The following NXPH1 variants were observed in gnomAD, a reference collection of about 807,000 sequenced individuals.
NXPH1 encodes neurexophilin 1.
Under a neutral mutation model 23.7 loss-of-function variants are expected in NXPH1, and 5 were observed. That is an observed-to-expected ratio of 0.21 (90% CI 0.11 to 0.44). The LOEUF is 0.44. Among genes scored for constraint, NXPH1 ranks in the 20% least tolerant of loss-of-function variants. The probability of loss-of-function intolerance (pLI) is 0.99; values close to 1 mark genes in which losing one functional copy is unlikely to be tolerated. For missense variants in NXPH1, 324 were observed against 321.6 expected (o/e 1.01, Z -0.06); for synonymous variants, 144 against 122.2 (o/e 1.18, Z -1.18).
chr7:8,541,173 A>G (rs1281883764), intron 2 of NXPH1, among the ~76,000 whole-genome samples: 2 of 151,784 alleles, frequency 1.3e-5, no homozygotes, highest in South Asian at 2.1e-4. Flanking sequence ...CAAGGTAGTC[A>G]TTACAACTCT....
At chr7:8,493,588 A>G (rs1042773277) in intron 2 of NXPH1, among the ~76,000 whole-genome samples, 1 of 152,090 alleles carries the variant, frequency 6.6e-6, no homozygotes, top group African/African-American at 2.4e-5. Flanking sequence ...TATGACTACA[A>G]TATATTTTCT....
chr7:8,542,627 C>T (rs531193453), intron 2 of NXPH1, among the ~76,000 whole-genome samples: 6 of 151,690 alleles, frequency 4.0e-5, no homozygotes, highest in Non-Finnish European at 7.4e-5. Context: ...AAACTAGTTT[C>T]TCTGACCACA....
Position 8,751,509 on chromosome 7 carries a change from G to C in NXPH1, c.556G>C (p.Ala186Pro). ...CTTGGCACAACAAACCGTGATTGAT[G>C]CCAAAGATTCCAAGTCTTTTAATTG... ...FDLAQQTVID[A>P]KDSKSFNCRI... The change falls in exon 3 of 3, where the codon GCC (alanine) becomes CCC (proline). Residue 186 changes from alanine to proline, a missense_variant. Ala to Pro is a conservative substitution (Grantham distance 27, BLOSUM62 -1). Coordinates refer to ENST00000405863, the MANE Select transcript of NXPH1 (RefSeq NM_152745.3). This position sits in a 1 kb window ranked among gnomAD's most constrained non-coding sequence, Gnocchi z 4.5. The C allele has an allele frequency of 6.2e-7, 1 of 1,613,644 alleles. No individual in the cohort carries two copies. The highest frequency in any genetic ancestry group is 1.1e-5 in the South Asian group (1 of 91,066).
intron 2 of NXPH1, among the ~76,000 whole-genome samples, chr7:8,577,525 C>A (rs1291877016): frequency 6.6e-6 from 1 of 152,066 alleles, no homozygotes; most frequent in African/African-American, 2.4e-5. Context: ...CTTGGGCCAC[C>A]CTTTCATCTA....
chr7:8,489,919 T>C (rs925107458), intron 2 of NXPH1, among the ~76,000 whole-genome samples: 4 of 152,054 alleles, frequency 2.6e-5, no homozygotes, highest in African/African-American at 9.7e-5. Flanking sequence ...TCAAGGTAAA[T>C]TGGTTCTTGA....
intron 2 of NXPH1, among the ~76,000 whole-genome samples, chr7:8,712,643 T>G (rs759246673): frequency 6.6e-6 from 1 of 152,196 alleles, no homozygotes; most frequent in Non-Finnish European, 1.5e-5. Context: ...ATAATTACTG[T>G]GTACCAAAAA....
At chr7:8,652,315 A>C (rs997349272) in intron 2 of NXPH1, among the ~76,000 whole-genome samples, 9 of 152,098 alleles carry the variant, frequency 5.9e-5, no homozygotes, top group African/African-American at 2.2e-4. Flanking sequence ...TATGTGAATA[A>C]ATTTTACATA....
chr7:8,688,286 TA>T, intron 2 of NXPH1, among the ~76,000 whole-genome samples: 1 of 152,302 alleles, frequency 6.6e-6, no homozygotes, highest in Non-Finnish European at 1.5e-5. Context: ...AACACTAATG[TA>T]AGTCATGGAA....
chr7:8,484,003 T>A (rs1425470490), intron 2 of NXPH1, among the ~76,000 whole-genome samples: 1 of 145,496 alleles, frequency 6.9e-6, no homozygotes, highest in Non-Finnish European at 1.5e-5. Context: ...CCATAGAGGA[T>A]GTCAGAAATG....
chr7:8,742,536 TAC>T (rs1780384938), intron 2 of NXPH1, among the ~76,000 whole-genome samples: 1 of 152,150 alleles, frequency 6.6e-6, no homozygotes, highest in Admixed American at 6.5e-5. Flanking sequence ...TATCTGAATA[TAC>T]TAGCTGAGAT....
At chr7:8,726,329 T>A (rs1448167908) in intron 2 of NXPH1, among the ~76,000 whole-genome samples, 1 of 152,150 alleles carries the variant, frequency 6.6e-6, no homozygotes, top group Middle Eastern at 3.4e-3. Context: ...TTTTGTTTGT[T>A]TTTTTTAAAT....
chr7:8,691,942 G>C (rs1821227772), intron 2 of NXPH1, among the ~76,000 whole-genome samples: 1 of 152,172 alleles, frequency 6.6e-6, no homozygotes, highest in Middle Eastern at 3.4e-3. Flanking sequence ...GGAGGTGACT[G>C]TTAAGCTAAT....
At chr7:8,748,202 T>C (rs1163506515) in intron 2 of NXPH1, among the ~76,000 whole-genome samples, 1 of 152,236 alleles carries the variant, frequency 6.6e-6, no homozygotes, top group Admixed American at 6.6e-5. Flanking sequence ...TTTGCTGTTA[T>C]TAGTCATTTC....
chr7:8,591,270 G>A (rs1819088598), intron 2 of NXPH1, among the ~76,000 whole-genome samples: 2 of 152,108 alleles, frequency 1.3e-5, no homozygotes, highest in South Asian at 4.1e-4. Flanking sequence ...TGCTGATGAG[G>A]AAACTGAGGC....
intron 2 of NXPH1, among the ~76,000 whole-genome samples, chr7:8,491,905 T>C (rs1375736942): frequency 6.6e-6 from 1 of 152,114 alleles, no homozygotes; most frequent in African/African-American, 2.4e-5. Flanking sequence ...TTTTAGTTTA[T>C]GATCAAAATC....
At chr7:8,495,948 T>C (rs1165016729) in intron 2 of NXPH1, among the ~76,000 whole-genome samples, 2 of 152,026 alleles carry the variant, frequency 1.3e-5, no homozygotes, top group East Asian at 3.9e-4. Context: ...ATTGTGGGCT[T>C]GTCATGGGTC....
chr7:8,563,185 T>C (rs1415155573), intron 2 of NXPH1, among the ~76,000 whole-genome samples: 1 of 151,758 alleles, frequency 6.6e-6, no homozygotes, highest in Non-Finnish European at 1.5e-5. Context: ...AAACTGCCAG[T>C]TCCTGTTCTA....
Position 8,710,801 on chromosome 7 carries a change from T to C in NXPH1, c.55-40207T>C, listed in dbSNP as rs563613584. Among the ~76,000 whole-genome samples the C allele has an allele frequency of 2.4e-4, 33 of 138,762 alleles. 6 individuals carry two copies. Among genetic ancestry groups the C allele is most frequent in the South Asian group, 9.3e-4 (4 of 4,280 alleles). 91.0% of individuals were successfully genotyped at this position (138,762 alleles called of 152,430 possible). On this transcript the variant is annotated intron_variant, in intron 2 of 2. Coordinates refer to ENST00000405863, the MANE Select transcript of NXPH1 (RefSeq NM_152745.3). Reference sequence around the variant, plus strand: ...CCTCAGCCTCCCCAGTAGCTGGGACTACAGGCGCCCGCCACCGCGCCCGGC... The same window carrying C: ...CCTCAGCCTCCCCAGTAGCTGGGACCACAGGCGCCCGCCACCGCGCCCGGC...
chr7:8,552,487 C>T (rs1024534137), intron 2 of NXPH1, among the ~76,000 whole-genome samples: 8 of 151,334 alleles, frequency 5.3e-5, no homozygotes, highest in Non-Finnish European at 7.4e-5. Flanking sequence ...GTGAAAGAAA[C>T]ATGTCTGCCC....
Sources: allele counts gnomAD v4.1 joint callset (sites outside exome capture counted in the v4.1 genomes callset), GRCh38; gene constraint gnomAD v4.1.1; non-coding constraint Gnocchi (gnomAD v3.1); transcripts MANE v1.5; gene names NCBI Gene and HGNC (gene_info 2026-07-23, HGNC 2026-07-21).